Variants in TRDN observed in about 807,000 individuals in gnomAD.
TRDN encodes the protein triadin in skeletal muscle.
In TRDN, 161 loss-of-function variants were observed where a neutral mutation model predicts 149.7. That is an observed-to-expected ratio of 1.08 (90% CI 0.95 to 1.23). The LOEUF (loss-of-function observed/expected upper bound fraction) is 1.23, where lower values mean the gene tolerates loss of function less well. Ranked by LOEUF, TRDN falls within the 50% of genes most tolerant of loss-of-function variation. TRDN has a pLI of 0.00. For synonymous variants in TRDN, 294 were observed against 250.5 expected, an observed-to-expected ratio of 1.17 and a Z score of -1.64; for missense variants, 896 against 823.5, an observed-to-expected ratio of 1.09 and a Z score of -1.08.
intron 10 of TRDN, among the ~76,000 whole-genome samples, chr6:123,442,540 C>G (rs1224043197): frequency 1.1e-5 from 1 of 89,318 alleles, no homozygotes; most frequent in African/African-American, 6.2e-5. Context: ...AGCGAGACTC[C>G]GTCTCAAAAA....
chr6:123,218,713 T>C lies in TRDN; in HGVS notation c.2078A>G (p.Tyr693Cys), dbSNP rs886061030. 3.8e-6 allele frequency: 6 copies of C among 1,585,152 alleles called. No homozygotes were observed. The highest frequency in any genetic ancestry group is 1.1e-5 in the South Asian group (1 of 88,078). ...KSPISFFQCV[Y>C]LDGYNGYGFQ... The stretch of plus-strand genomic sequence containing the variant: ...TCCATAGCCATTGTACCCATCCAAG[T>C]AGACACACTGGAAGAAACTGATGGG... The change falls in exon 41 of 41, where the codon TAC (tyrosine) becomes TGC (cysteine). Residue 693 changes from tyrosine (Y) to cysteine (C), a missense_variant. By Grantham distance (194) the Tyr-to-Cys change is radical. Coordinates refer to ENST00000334268, the MANE Select transcript of TRDN (RefSeq NM_006073.4).
intron 12 of TRDN, among the ~76,000 whole-genome samples, chr6:123,421,813 A>AAAAAAG: frequency 6.6e-6 from 1 of 151,182 alleles, no homozygotes; most frequent in Middle Eastern, 3.2e-3. Flanking sequence ...TACAAAAAAA[A>AAAAAAG]AAAAAAAAAA....
intron 24 of TRDN, among the ~76,000 whole-genome samples, chr6:123,292,853 G>T (rs1221385348): frequency 6.6e-6 from 1 of 152,122 alleles, no homozygotes; most frequent in Non-Finnish European, 1.5e-5. Flanking sequence ...TGCTGTGGGT[G>T]GGAATGGGAG....
chr6:123,438,399 T>C (rs1000062400), intron 11 of TRDN, among the ~76,000 whole-genome samples: 11 of 152,096 alleles, frequency 7.2e-5, no homozygotes, highest in South Asian at 2.1e-4. Flanking sequence ...AATTATGGTA[T>C]TATTTAACAG....
chr6:123,580,517 A>G (rs990822861), intron 1 of TRDN, among the ~76,000 whole-genome samples: 1 of 152,200 alleles, frequency 6.6e-6, no homozygotes, highest in African/African-American at 2.4e-5. Context: ...CAATGGCTAG[A>G]CAGAATTAAA....
At chr6:123,573,610 A>G (rs1480020445) in intron 1 of TRDN, among the ~76,000 whole-genome samples, 2 of 152,078 alleles carry the variant, frequency 1.3e-5, no homozygotes, top group Non-Finnish European at 2.9e-5. Context: ...GGATTCTCTG[A>G]CTTCCTTGGT....
At chr6:123,557,240 A>G (rs1781721328) in intron 2 of TRDN, among the ~76,000 whole-genome samples, 1 of 152,108 alleles carries the variant, frequency 6.6e-6, no homozygotes. Context: ...TGGTCTCTTC[A>G]CACAGACATG....
chr6:123,463,122 G>C (rs1226773602), intron 10 of TRDN: 2 of 152,144 alleles, frequency 1.3e-5, no homozygotes, highest in Admixed American at 6.5e-5. Context: ...TGGATCACGA[G>C]GTCAGGAGAT....
At chr6:123,485,605 G>GA (rs1254346082) in intron 9 of TRDN, among the ~76,000 whole-genome samples, 9 of 152,038 alleles carry the variant, frequency 5.9e-5, no homozygotes, top group Admixed American at 5.9e-4. Context: ...GAAATGGGTA[G>GA]AAAATCACAA....
chr6:123,394,320 A>G (rs1380059744), intron 12 of TRDN, among the ~76,000 whole-genome samples: 1 of 152,178 alleles, frequency 6.6e-6, no homozygotes. Flanking sequence ...AAAAAAACTT[A>G]TATGATAAAC....
intron 12 of TRDN, among the ~76,000 whole-genome samples, chr6:123,396,574 A>C (rs1772742418): frequency 6.6e-6 from 1 of 152,224 alleles, no homozygotes; most frequent in South Asian, 2.1e-4. Context: ...AAATGTCAGC[A>C]TAATTCACTT....
rs184537447 is a variant in TRDN, at chr6:123,301,063, A to G, written c.1510+15394T>C. Among the ~76,000 whole-genome samples, 6 of 151,964 alleles carry G rather than the reference A, an allele frequency of 3.9e-5. No homozygotes were observed. In the East Asian group the frequency reaches 7.8e-4, roughly 20 times the overall value. Reference sequence around the variant, plus strand: ...ATGAAATGAACCTACAAAAATTTCTACTCTAAGGAATATGGAGTCTATTGT... The same window carrying G: ...ATGAAATGAACCTACAAAAATTTCTGCTCTAAGGAATATGGAGTCTATTGT... On this transcript the variant is annotated intron_variant, in intron 24 of 40. Transcript: ENST00000334268.
At chr6:123,220,338 T>C (rs1351817484) in intron 40 of TRDN, among the ~76,000 whole-genome samples, 4 of 151,860 alleles carry the variant, frequency 2.6e-5, no homozygotes, top group African/African-American at 9.7e-5. Flanking sequence ...CCTGTCTCAT[T>C]GAATTATATT....
chr6:123,476,159 C>A, intron 9 of TRDN, among the ~76,000 whole-genome samples: 1 of 98,172 alleles, frequency 1.0e-5, no homozygotes, highest in Non-Finnish European at 2.1e-5. Flanking sequence ...TCTAGAAAAC[C>A]CCATTGTCTC....
intron 40 of TRDN, among the ~76,000 whole-genome samples, chr6:123,220,041 A>C (rs891256525): frequency 6.6e-6 from 1 of 151,948 alleles, no homozygotes; most frequent in African/African-American, 2.4e-5. Flanking sequence ...AGGCTCATGA[A>C]TATCAGGCTA....
At chr6:123,563,808 G>GT (rs1782128395) in intron 2 of TRDN, among the ~76,000 whole-genome samples, 1 of 146,202 alleles carries the variant, frequency 6.8e-6, no homozygotes, top group East Asian at 1.9e-4. Context: ...GTTTGTTTTT[G>GT]TTTTTGTTTT....
At chr6:123,278,455 G>A in intron 25 of TRDN, 108 bp from the exon 26 acceptor site, 1 of 717,808 alleles carries the variant, frequency 1.4e-6, no homozygotes, top group Non-Finnish European at 1.9e-6. Flanking sequence ...TTATTCATTG[G>A]TTTCAATCTC....
intron 24 of TRDN, among the ~76,000 whole-genome samples, chr6:123,302,806 G>A (rs976190345): frequency 2.6e-5 from 4 of 152,052 alleles, no homozygotes; most frequent in African/African-American, 9.7e-5. Context: ...TTGTTAAAAT[G>A]CAAGTTCTTA....
chr6:123,386,186 C>G (rs905890431), intron 14 of TRDN, among the ~76,000 whole-genome samples: 38 of 152,046 alleles, frequency 2.5e-4, no homozygotes, highest in African/African-American at 8.5e-4. Context: ...ACACAAGTAA[C>G]ATGAAGTACA....
Sources: allele counts gnomAD v4.1 joint callset (sites outside exome capture counted in the v4.1 genomes callset), GRCh38; gene constraint gnomAD v4.1.1; transcripts MANE v1.5; gene names NCBI Gene and HGNC (gene_info 2026-07-23, HGNC 2026-07-21).